SYNJ2: variants seen among roughly 807,000 people sequenced by gnomAD.
The protein encoded by SYNJ2 is polyphosphatidylinositol phosphatase SYNJ2.
In SYNJ2, 116 loss-of-function variants were observed where a neutral mutation model predicts 141.3. That is an observed-to-expected ratio of 0.82 (90% CI 0.71 to 0.96). The LOEUF is 0.96. Among genes scored for constraint, SYNJ2 ranks in the 40% least tolerant of loss-of-function variants. The pLI, the probability that SYNJ2 is intolerant of heterozygous loss-of-function variation, is 0.00. For missense variants in SYNJ2, 1,873 were observed against 1,934.8 expected (o/e 0.97, Z 0.60); for synonymous variants, 745 against 777.7 (o/e 0.96, Z 0.70).
rs139862615 is a variant in SYNJ2 at position 158,084,036 on chromosome 6, G to A, written c.3070G>A (p.Asp1024Asn). The A allele has an allele frequency of 3.5e-4, 559 of 1,614,138 alleles. 2 individuals are homozygous for A. Among genetic ancestry groups the A allele is most frequent in the Middle Eastern group, 8.2e-4 (5 of 6,062 alleles). ...ILEDDEDYLV[D>N]EFNQPGVSDS... Reference sequence around the variant, plus strand: ...TGAAGACGATGAAGACTACTTGGTGGATGAATTCAATCAGCCTGGAGTCTC... The same window carrying A: ...TGAAGACGATGAAGACTACTTGGTGAATGAATTCAATCAGCCTGGAGTCTC... The change falls in exon 22 of 27, where the codon GAT becomes AAT. Residue 1024 changes from aspartate (D) to asparagine (N), a missense_variant. Transcript: ENST00000355585. This position sits in a 1 kb window ranked among gnomAD's most constrained non-coding sequence, Gnocchi z 5.0.
chr6:157,981,990 T>G lies in SYNJ2; in HGVS notation c.29T>G (p.Leu10Arg), dbSNP rs766380668. The change falls in exon 1 of 27, where the codon CTG (leucine) becomes CGG (arginine). Residue 10 changes from leucine to arginine, a missense_variant. Leu to Arg is a moderately radical substitution (Grantham distance 102, BLOSUM62 -2). Coordinates refer to ENST00000355585, the MANE Select transcript of SYNJ2 (RefSeq NM_003898.4). The surrounding 1 kb of genome is among the most constrained non-coding windows in gnomAD (Gnocchi z 6.4). ...GCCCTGAGCAAAGGGCTGCGGCTGCTGGGGCGCCTGGGGGCCGAGGGGGAC... is the reference window on the plus strand; with the variant it reads ...GCCCTGAGCAAAGGGCTGCGGCTGCGGGGGCGCCTGGGGGCCGAGGGGGAC... MALSKGLRLLGRLGAEGDCS... is the reference protein window; with the variant it reads MALSKGLRLRGRLGAEGDCS... The G allele has an allele frequency of 7.8e-7, 1 of 1,278,686 alleles. No homozygotes were observed. Among genetic ancestry groups the G allele is most frequent in the Admixed American group, 4.0e-5 (1 of 24,958 alleles). 79.2% of individuals were successfully genotyped at this position (1,278,686 alleles called of 1,614,324 possible).
intron 1 of SYNJ2, among the ~76,000 whole-genome samples, chr6:158,004,333 G>A (rs145649195): frequency 4.6e-3 from 701 of 152,194 alleles, no homozygotes; most frequent in Non-Finnish European, 7.8e-3. Context: ...TACAGAAGCC[G>A]GCCAAAACCC....
intron 1 of SYNJ2, among the ~76,000 whole-genome samples, chr6:158,008,826 C>T (rs1254041818): frequency 6.6e-6 from 1 of 152,174 alleles, no homozygotes; most frequent in Non-Finnish European, 1.5e-5. Context: ...TCTCCTTGTT[C>T]CTCTAGAGTC....
At chr6:158,000,554 TAAATC>T (rs1777807495) in intron 1 of SYNJ2, among the ~76,000 whole-genome samples, 1 of 152,104 alleles carries the variant, frequency 6.6e-6, no homozygotes, top group Non-Finnish European at 1.5e-5. Context: ...CAACAACAAA[TAAATC>T]AGAAAGTCCT....
chr6:158,058,628 G>A (rs1781015491), intron 6 of SYNJ2, among the ~76,000 whole-genome samples: 1 of 152,206 alleles, frequency 6.6e-6, no homozygotes, highest in Non-Finnish European at 1.5e-5. Context: ...TGTGCACATT[G>A]CATGTGTAAG....
chr6:158,048,838 C>CTG (rs1384146450), intron 5 of SYNJ2, among the ~76,000 whole-genome samples: 2 of 152,208 alleles, frequency 1.3e-5, no homozygotes, highest in Non-Finnish European at 2.9e-5. Flanking sequence ...TTGGGACCAG[C>CTG]TGGGTGCACC....
chr6:158,066,526 C>G lies in SYNJ2; in HGVS notation c.1608C>G (p.Thr536=). 8 of 1,614,186 alleles carry G rather than the reference C, an allele frequency of 5.0e-6. No homozygotes were observed. Among genetic ancestry groups the G allele is most frequent in the Non-Finnish European group, 5.9e-6 (7 of 1,180,046 alleles). Residue 536 remains threonine (T), a synonymous_variant, in exon 12 of 27, where the codon ACC becomes ACG. Transcript: ENST00000355585. ...NFKRIRIAMG[T]WNVNGGKQFR... ...AGCGGATCCGGATTGCTATGGGGACCTGGAACGTGAACGGAGGAAAGCAGT... is the reference window on the plus strand; with the variant it reads ...AGCGGATCCGGATTGCTATGGGGACGTGGAACGTGAACGGAGGAAAGCAGT...
At chr6:158,013,714 C>A (rs1778351661) in intron 1 of SYNJ2, among the ~76,000 whole-genome samples, 1 of 152,208 alleles carries the variant, frequency 6.6e-6, no homozygotes, top group Non-Finnish European at 1.5e-5. Flanking sequence ...TGAGCCTTTT[C>A]CCAGCTGAAA....
rs908335412 is a variant in SYNJ2, at chr6:158,043,906, C to T, written c.795+507C>T. 6.6e-6 allele frequency among the ~76,000 whole-genome samples: 1 copy of T among 152,224 alleles called. No homozygotes were observed. Among genetic ancestry groups the T allele is most frequent in the Non-Finnish European group, 1.5e-5 (1 of 68,044 alleles). Reference sequence around the variant, plus strand: ...ACCCCTTGCCGTCCAAAGCAGGGCTCTGGTCAGTGCCAGAGAGATTTGGCA... The same window carrying T: ...ACCCCTTGCCGTCCAAAGCAGGGCTTTGGTCAGTGCCAGAGAGATTTGGCA... On this transcript the variant is annotated intron_variant, in intron 5 of 26. Coordinates refer to ENST00000355585, the MANE Select transcript of SYNJ2 (RefSeq NM_003898.4). This position sits in a 1 kb window ranked among gnomAD's most constrained non-coding sequence, Gnocchi z 4.0.
chr6:158,061,963 C>T, intron 7 of SYNJ2, 29 bp from the exon 8 acceptor site: 1 of 1,607,722 alleles, frequency 6.2e-7, no homozygotes, highest in Non-Finnish European at 8.5e-7. Flanking sequence ...CCCTCTGCTC[C>T]CCTCACCGCC....
At position 158,069,627 on chromosome 6, in the gene SYNJ2, G is replaced by A. The variant is rs144180367; in HGVS notation, c.1894G>A (p.Val632Ile). 1.9e-4 allele frequency: 311 copies of A among 1,613,948 alleles called. 1 individual carries two copies. The Middle Eastern group carries it at 2.1e-3, about 11-fold the overall frequency. ...GTTGACTTCGGCACAGCTGGTGGGC[G>A]TCTGTCTTTATATCTTTGTACGTCC... ...ILLTSAQLVG[V>I]CLYIFVRPYH... The change falls in exon 14 of 27, where the codon GTC (valine) becomes ATC (isoleucine). Residue 632 changes from valine (V) to isoleucine (I), a missense_variant. Val to Ile is a conservative substitution (Grantham distance 29, BLOSUM62 3). Coordinates refer to ENST00000355585, the MANE Select transcript of SYNJ2 (RefSeq NM_003898.4).
Position 158,040,488 on chromosome 6 carries a change from A to G in SYNJ2, c.712-2828A>G, listed in dbSNP as rs1270930271. The stretch of plus-strand genomic sequence containing the variant: ...CTGGTGGGCTTGCTCTGCAGTGCTG[A>G]CTCACCACACAGAAAAACAAGACCA... On this transcript the variant is annotated intron_variant, in intron 4 of 26. Coordinates refer to ENST00000355585, the MANE Select transcript of SYNJ2 (RefSeq NM_003898.4). This position sits in a 1 kb window ranked among gnomAD's most constrained non-coding sequence, Gnocchi z 4.2. 6.6e-6 allele frequency among the ~76,000 whole-genome samples: 1 copy of G among 151,648 alleles called. No homozygotes were observed. Among genetic ancestry groups the G allele is most frequent in the Non-Finnish European group, 1.5e-5 (1 of 67,950 alleles).
chr6:158,081,634 T>C (rs1782694710), intron 20 of SYNJ2, 124 bp downstream of exon 20: 3 of 226,562 alleles, frequency 1.3e-5, no homozygotes, highest in East Asian at 1.4e-4. Context: ...TTTTTTTTTT[T>C]TCTCTGAGAC....
intron 1 of SYNJ2, among the ~76,000 whole-genome samples, chr6:157,993,919 AT>A: frequency 7.1e-6 from 1 of 141,682 alleles, no homozygotes; most frequent in South Asian, 2.2e-4. Context: ...GGTTCACACC[AT>A]TCTCCTGCCT....
In SYNJ2 at chr6:157,988,466, C is replaced by T. The variant is rs118070572; in HGVS notation, c.127+6378C>T. On this transcript the variant is annotated intron_variant, in intron 1 of 26. Coordinates refer to ENST00000355585, the MANE Select transcript of SYNJ2 (RefSeq NM_003898.4). ...ACAGCTGGGCATACAGGATGCAGCA[C>T]TCATGAGTACTCTGGCCCCAGACCC... Among the ~76,000 whole-genome samples, 765 of 152,330 alleles carry T rather than the reference C, an allele frequency of 5.0e-3. 3 individuals are homozygous for T. Among genetic ancestry groups the T allele is most frequent in the Non-Finnish European group, 8.6e-3 (587 of 68,032 alleles).
At chr6:158,081,588 C>A in intron 20 of SYNJ2, 78 bp downstream of exon 20, 1 of 777,172 alleles carries the variant, frequency 1.3e-6, no homozygotes, top group Non-Finnish European at 2.2e-6. Context: ...TCTTCCTCCT[C>A]TTGCCCTGAC....
At position 158,028,945 on chromosome 6, in the gene SYNJ2, A is replaced by C; in HGVS notation, c.404A>C (p.Asn135Thr). The C allele has an allele frequency of 6.2e-7, 1 of 1,614,106 alleles. No individual in the cohort carries two copies. The highest frequency in any genetic ancestry group is 8.5e-7 in the Non-Finnish European group (1 of 1,180,014). Residue 135 changes from asparagine to threonine, a missense_variant, in exon 3 of 27, where the codon AAC (asparagine) becomes ACC (threonine). Asn to Thr is a moderately conservative substitution (Grantham distance 65). Coordinates refer to ENST00000355585, the MANE Select transcript of SYNJ2 (RefSeq NM_003898.4). ...GGGGTGTTCTATTTCTCATGGCCAA[A>C]CGATGGGTCTCGCTTTGACCTGACT... ...SSGVFYFSWP[N>T]DGSRFDLTVR...
intron 2 of SYNJ2, among the ~76,000 whole-genome samples, chr6:158,021,526 C>T (rs1168093894): frequency 6.6e-6 from 1 of 152,168 alleles, no homozygotes; most frequent in Non-Finnish European, 1.5e-5. Context: ...TCTGCTGTCT[C>T]TCCTCTGTCC....
intron 1 of SYNJ2, among the ~76,000 whole-genome samples, chr6:158,006,747 ACTGCAACCTT>A (rs1460455961): frequency 2.6e-5 from 4 of 152,120 alleles, no homozygotes; most frequent in African/African-American, 7.2e-5. Flanking sequence ...ATCTCGGCTC[ACTGCAACCTT>A]CGCCTCCTGG....
Sources: gnomAD v4.1 joint callset for allele counts (sites outside exome capture counted in the v4.1 genomes callset) on GRCh38, gnomAD v4.1.1 for gene constraint, Gnocchi (gnomAD v3.1) non-coding constraint, MANE v1.5 for transcripts, NCBI Gene and HGNC (gene_info 2026-07-23, HGNC 2026-07-21) for gene names.